Variants in TBC1D22A observed in about 807,000 individuals in gnomAD.
TBC1D22A encodes putative GTPase activator.
A neutral mutation model predicts 60.2 loss-of-function variants in TBC1D22A; 38 were observed. The ratio of observed to expected loss-of-function variants is 0.63; its 90% CI spans 0.49 to 0.83. The LOEUF (loss-of-function observed/expected upper bound fraction) is 0.83. TBC1D22A is among the 40% of genes least tolerant of loss of function. The pLI is 0.00. For synonymous variants in TBC1D22A, 302 were observed against 281.7 expected (o/e 1.07, Z -0.72); for missense variants, 628 against 701.0 (o/e 0.90, Z 1.18).
intron 1 of TBC1D22A, among the ~76,000 whole-genome samples, chr22:46,780,285 A>G (rs1056986502): frequency 6.6e-6 from 1 of 152,232 alleles, no homozygotes; most frequent in African/African-American, 2.4e-5. Context: ...ATATATGTGA[A>G]ATACAGAGAA....
chr22:47,130,198 C>T (rs1343861352), intron 12 of TBC1D22A, among the ~76,000 whole-genome samples: 1 of 152,212 alleles, frequency 6.6e-6, no homozygotes. Flanking sequence ...CCACTCCCTC[C>T]CTCCCCACCA....
intron 11 of TBC1D22A, among the ~76,000 whole-genome samples, chr22:47,063,819 G>T (rs897569935): frequency 6.6e-5 from 10 of 152,170 alleles, no homozygotes; most frequent in African/African-American, 2.4e-4. Context: ...CGGCATTCCT[G>T]ACTCATGGCA....
chr22:46,813,670 T>C (rs1243927985), intron 4 of TBC1D22A, among the ~76,000 whole-genome samples: 1 of 152,186 alleles, frequency 6.6e-6, no homozygotes, highest in Non-Finnish European at 1.5e-5. Context: ...CTTAAGCATA[T>C]GTCAGAAGTT....
chr22:46,938,942 A>T (rs2071823324), intron 8 of TBC1D22A, among the ~76,000 whole-genome samples: 1 of 151,948 alleles, frequency 6.6e-6, no homozygotes. Flanking sequence ...AGAATAAGAG[A>T]TGGCATCAAG....
chr22:46,916,161 T>G (rs2070354653), intron 8 of TBC1D22A: 1 of 369,674 alleles, frequency 2.7e-6, no homozygotes, highest in Non-Finnish European at 5.0e-6. Context: ...GCTGCTGTGG[T>G]TGAGGTTGAC....
At position 46,997,638 on chromosome 22, in the gene TBC1D22A, A is replaced by G. The variant is rs546110825; in HGVS notation, c.1130A>G (p.Asn377Ser). The G allele has an allele frequency of 5.6e-6, 9 of 1,613,654 alleles. No homozygotes were observed. The highest frequency in any genetic ancestry group is 2.2e-5 in the East Asian group (1 of 44,878). The change falls in exon 10 of 13, where the codon AAC (asparagine) becomes AGC (serine). Residue 377 changes from asparagine to serine, a missense_variant. By Grantham distance (46) the Asn-to-Ser change is conservative. Coordinates refer to ENST00000337137, the MANE Select transcript of TBC1D22A (RefSeq NM_014346.5). The stretch of plus-strand genomic sequence containing the variant: ...ACATTATTCTTTTTTCCTTAGGACA[A>G]CTACACCTTTGCCCAACCTGGGATT... ...MSKLLDGIQD[N>S]YTFAQPGIQM...
At chr22:46,873,898 A>C (rs1296443476) in intron 4 of TBC1D22A, among the ~76,000 whole-genome samples, 1 of 151,374 alleles carries the variant, frequency 6.6e-6, no homozygotes, top group Non-Finnish European at 1.5e-5. Context: ...CCGGGTTCAC[A>C]CCATTCTTCT....
chr22:47,030,837 G>A (rs564305569), intron 10 of TBC1D22A, among the ~76,000 whole-genome samples: 9 of 152,354 alleles, frequency 5.9e-5, no homozygotes, highest in South Asian at 2.1e-4. Context: ...GGGAAGTAAT[G>A]CCTGGAGTTT....
intron 12 of TBC1D22A, among the ~76,000 whole-genome samples, chr22:47,169,575 C>A (rs571991386): frequency 1.3e-5 from 2 of 152,308 alleles, no homozygotes; most frequent in East Asian, 3.9e-4. Context: ...GACCCCACAG[C>A]CTTTACAAAG....
At chr22:46,769,093 CAAAAAAAAAAAAA>C (rs61105868) in intron 1 of TBC1D22A, among the ~76,000 whole-genome samples, 1 of 72,654 alleles carries the variant, frequency 1.4e-5, no homozygotes, top group Middle Eastern at 0.011. Context: ...GACTCTGTCT[CAAAAAAAAAAAAA>C]AAAAAAAAAA....
intron 11 of TBC1D22A, among the ~76,000 whole-genome samples, chr22:47,067,799 C>T (rs979532379): frequency 3.9e-4 from 59 of 152,356 alleles, no homozygotes; most frequent in African/African-American, 1.4e-3. Context: ...CGTGCACTCA[C>T]AGAACTGTGC....
chr22:47,090,447 A>G (rs2064876555), intron 11 of TBC1D22A, among the ~76,000 whole-genome samples: 1 of 152,220 alleles, frequency 6.6e-6, no homozygotes, highest in African/African-American at 2.4e-5. Context: ...CAGCCGAGTA[A>G]CTTCGGGAAA....
At chr22:46,984,785 A>T (rs2074658542) in intron 9 of TBC1D22A, among the ~76,000 whole-genome samples, 4 of 152,160 alleles carry the variant, frequency 2.6e-5, no homozygotes, top group Admixed American at 2.6e-4. Flanking sequence ...TGGCGTCATG[A>T]CTCCTTTAGA....
chr22:47,083,705 ATCT>A (rs2064564325), intron 11 of TBC1D22A, among the ~76,000 whole-genome samples: 1 of 152,178 alleles, frequency 6.6e-6, no homozygotes, highest in Non-Finnish European at 1.5e-5. Flanking sequence ...ATAAATTGTC[ATCT>A]TAGGGAGGTA....
chr22:46,952,811 G>A (rs1030539443), intron 8 of TBC1D22A, among the ~76,000 whole-genome samples: 2 of 152,218 alleles, frequency 1.3e-5, no homozygotes, highest in African/African-American at 4.8e-5. Flanking sequence ...TACCAGAGCT[G>A]ACTCTGTCCC....
intron 1 of TBC1D22A, chr22:46,789,225 A>G (rs1178267322): frequency 2.4e-5 from 6 of 245,518 alleles, no homozygotes; most frequent in Non-Finnish European, 5.1e-5. Context: ...TCCTGGGTTC[A>G]CGCCATTCTC....
chr22:47,071,583 T>C lies in TBC1D22A; in HGVS notation c.1329+34385T>C, dbSNP rs551995139. Among the ~76,000 whole-genome samples the C allele has an allele frequency of 2.0e-5, 3 of 152,348 alleles. No homozygotes were observed. In the East Asian group the frequency reaches 5.8e-4, roughly 29 times the overall value. On this transcript the variant is annotated intron_variant, in intron 11 of 12. Coordinates refer to ENST00000337137, the MANE Select transcript of TBC1D22A (RefSeq NM_014346.5). ...AAAGTTACAACGGGAAGCCCTTCACTCGGGGCCGGCGGGAAAGGATCCAGC... is the reference window on the plus strand; with the variant it reads ...AAAGTTACAACGGGAAGCCCTTCACCCGGGGCCGGCGGGAAAGGATCCAGC...
intron 11 of TBC1D22A, among the ~76,000 whole-genome samples, chr22:47,076,388 C>CATATATATATAT (rs2064227148): frequency 1.2e-5 from 1 of 82,984 alleles, no homozygotes; most frequent in Non-Finnish European, 2.5e-5. Flanking sequence ...TATACACACA[C>CATATATATATAT]ACACACACAC....
chr22:47,173,917 A>C lies in TBC1D22A; in HGVS notation c.*291A>C. The C allele has an allele frequency of 1.2e-5, 4 of 343,268 alleles. No individual in the cohort carries two copies. The highest frequency in any genetic ancestry group is 2.2e-5 in the Non-Finnish European group (4 of 182,076). The allele number at this position is 343,268 out of a possible 1,614,324, so 21.3% of individuals were successfully genotyped here. ...CCTCTCCCTGCAATGTCCTTGCCAAATGACTGCCTCGTGCTGCCCCTAGTC... is the reference window on the plus strand; with the variant it reads ...CCTCTCCCTGCAATGTCCTTGCCAACTGACTGCCTCGTGCTGCCCCTAGTC... On this transcript the variant is annotated 3_prime_UTR_variant, in exon 13 of 13. Coordinates refer to ENST00000337137, the MANE Select transcript of TBC1D22A (RefSeq NM_014346.5).
Sources: gnomAD v4.1 joint callset for allele counts (sites outside exome capture counted in the v4.1 genomes callset) on GRCh38, gnomAD v4.1.1 for gene constraint, MANE v1.5 for transcripts, NCBI Gene and HGNC (gene_info 2026-07-23, HGNC 2026-07-21) for gene names.